The following ASTN2 variants were observed in gnomAD, a reference collection of about 807,000 sequenced individuals.
ASTN2 encodes astrotactin 2.
ASTN2 carries 54 observed loss-of-function variants against 139.8 expected under a neutral mutation model. That is an observed-to-expected ratio of 0.39 (90% confidence interval 0.31 to 0.48). The LOEUF (loss-of-function observed/expected upper bound fraction) is 0.48, where lower values mean the gene tolerates loss of function less well. Ranked by LOEUF, ASTN2 falls within the 20% of genes least tolerant of loss-of-function variation. The probability of loss-of-function intolerance (pLI) is 0.95; values close to 1 mark genes in which losing one functional copy is unlikely to be tolerated. For missense variants in ASTN2, 1,565 were observed against 1,725.1 expected, an observed-to-expected ratio of 0.91 and a Z score of 1.64; for synonymous variants, 756 against 719.5, an observed-to-expected ratio of 1.05 and a Z score of -0.81.
chr9:116,527,109 G>A (rs1050824341), intron 19 of ASTN2, among the ~76,000 whole-genome samples: 4 of 152,216 alleles, frequency 2.6e-5, no homozygotes, highest in African/African-American at 7.2e-5. Context: ...CAGTGGAAAA[G>A]TTCCATCACA....
At chr9:116,964,810 A>G (rs1231207709) in intron 10 of ASTN2, among the ~76,000 whole-genome samples, 2 of 152,224 alleles carry the variant, frequency 1.3e-5, no homozygotes, top group Non-Finnish European at 1.5e-5. Flanking sequence ...CAGGAAATGT[A>G]TTGGTAACAA....
chr9:117,383,406 A>T (rs1186454614), intron 1 of ASTN2, among the ~76,000 whole-genome samples: 1 of 152,212 alleles, frequency 6.6e-6, no homozygotes, highest in Non-Finnish European at 1.5e-5. Context: ...GGTGATAGAA[A>T]TGTTCTCAGT....
At chr9:117,304,049 C>T (rs1834940974) in intron 1 of ASTN2, among the ~76,000 whole-genome samples, 1 of 152,122 alleles carries the variant, frequency 6.6e-6, no homozygotes, top group African/African-American at 2.4e-5. Flanking sequence ...TGAGAGAAGC[C>T]AACCTGGGTC....
At chr9:116,608,475 C>T (rs1350075107) in intron 19 of ASTN2, among the ~76,000 whole-genome samples, 2 of 152,174 alleles carry the variant, frequency 1.3e-5, no homozygotes, top group Non-Finnish European at 2.9e-5. Context: ...AGACTAAACA[C>T]TGCTTCAGTT....
At chr9:117,251,588 C>A (rs545898633) in intron 2 of ASTN2, among the ~76,000 whole-genome samples, 56 of 152,290 alleles carry the variant, frequency 3.7e-4, no homozygotes, top group Non-Finnish European at 6.3e-4. Context: ...AAATGAATTT[C>A]AACCTATCTA....
chr9:116,511,214 G>C (rs145949072), intron 19 of ASTN2, among the ~76,000 whole-genome samples: 3,866 of 152,150 alleles, frequency 0.025, 77 homozygotes, highest in African/African-American at 0.044. Context: ...TAGCATGAAG[G>C]GTTGTTGAAT....
Position 116,828,659 on chromosome 9 carries a change from T to A in ASTN2, c.2041-7876A>T, listed in dbSNP as rs1158362643. On this transcript the variant is annotated intron_variant, in intron 11 of 22. Coordinates refer to ENST00000313400, the MANE Select transcript of ASTN2 (RefSeq NM_001365068.1). Reference sequence around the variant, plus strand: ...TAAGAACTAGAACAAGACAAAGACATCCCCTTTCAACACTCTTATTCAACA... The same window carrying A: ...TAAGAACTAGAACAAGACAAAGACAACCCCTTTCAACACTCTTATTCAACA... 3.3e-5 allele frequency among the ~76,000 whole-genome samples: 5 copies of A among 151,916 alleles called. No individual in the cohort carries two copies. In the East Asian group the frequency reaches 9.7e-4, roughly 29 times the overall value.
chr9:116,498,429 C>A (rs1167296542), intron 19 of ASTN2, among the ~76,000 whole-genome samples: 1 of 124,096 alleles, frequency 8.1e-6, no homozygotes, highest in African/African-American at 3.0e-5. Context: ...TAAAAAAAAA[C>A]AAAAAACAAA....
intron 10 of ASTN2, among the ~76,000 whole-genome samples, chr9:116,943,520 A>G (rs1158218509): frequency 6.6e-6 from 1 of 152,224 alleles, no homozygotes; most frequent in African/African-American, 2.4e-5. Context: ...TTAAAAATGT[A>G]CATTTAAAAT....
At chr9:116,802,096 T>C (rs1418174964) in intron 13 of ASTN2, among the ~76,000 whole-genome samples, 1 of 147,604 alleles carries the variant, frequency 6.8e-6, no homozygotes, top group African/African-American at 2.5e-5. Context: ...TTTTTTTTTT[T>C]TTTTTTTTTT....
At chr9:116,909,429 C>T (rs1038230089) in intron 10 of ASTN2, among the ~76,000 whole-genome samples, 2 of 152,152 alleles carry the variant, frequency 1.3e-5, no homozygotes, top group Non-Finnish European at 2.9e-5. Context: ...AGTGTTTTGG[C>T]CTGAGTAATA....
chr9:116,597,395 C>A (rs1854645259), intron 19 of ASTN2, among the ~76,000 whole-genome samples: 1 of 142,240 alleles, frequency 7.0e-6, no homozygotes, highest in South Asian at 2.4e-4. Flanking sequence ...TCAATCTCCA[C>A]CTCCCAGGTT....
At chr9:116,744,406 A>G (rs1829180303) in intron 13 of ASTN2, among the ~76,000 whole-genome samples, 2 of 152,112 alleles carry the variant, frequency 1.3e-5, no homozygotes, top group Admixed American at 1.3e-4. Context: ...GGAAAGCAAA[A>G]CCATCAGATA....
intron 17 of ASTN2, among the ~76,000 whole-genome samples, chr9:116,649,786 T>A (rs1194098084): frequency 7.9e-5 from 12 of 152,062 alleles, no homozygotes; most frequent in Admixed American, 7.9e-4. Flanking sequence ...TCTAATCCCA[T>A]CAGCCTCCTG....
intron 22 of ASTN2, among the ~76,000 whole-genome samples, chr9:116,440,337 A>G (rs907763913): frequency 1.3e-5 from 2 of 152,278 alleles, no homozygotes; most frequent in Admixed American, 6.5e-5. Context: ...CCTATCTGTA[A>G]AATGAGGTGG....
chr9:116,544,689 C>G (rs377550352), intron 19 of ASTN2, among the ~76,000 whole-genome samples: 2 of 152,132 alleles, frequency 1.3e-5, no homozygotes, highest in African/African-American at 4.8e-5. Context: ...AGACCTCATA[C>G]TTTTGACACC....
At chr9:116,629,271 C>T (rs946589487) in intron 17 of ASTN2, among the ~76,000 whole-genome samples, 7 of 152,102 alleles carry the variant, frequency 4.6e-5, no homozygotes, top group Admixed American at 3.9e-4. Flanking sequence ...GCGCCTGCCA[C>T]CATGCCCGGC....
At chr9:116,657,542 G>T (rs1858291971) in intron 16 of ASTN2, among the ~76,000 whole-genome samples, 2 of 152,152 alleles carry the variant, frequency 1.3e-5, no homozygotes, top group Admixed American at 1.3e-4. Context: ...CCAGAACAAA[G>T]ACATAAAAAG....
At chr9:116,595,515 C>T (rs1054928976) in intron 19 of ASTN2, among the ~76,000 whole-genome samples, 6 of 152,160 alleles carry the variant, frequency 3.9e-5, no homozygotes, top group Middle Eastern at 3.4e-3. Context: ...TCAGTAGAGA[C>T]GGGGTTTCAC....
Sources: gnomAD v4.1 joint callset for allele counts (sites outside exome capture counted in the v4.1 genomes callset) on GRCh38, gnomAD v4.1.1 for gene constraint, MANE v1.5 for transcripts, NCBI Gene and HGNC (gene_info 2026-07-23, HGNC 2026-07-21) for gene names.